Variants in PDE1C observed in about 807,000 individuals in gnomAD.
PDE1C encodes dual specificity calcium/calmodulin-dependent 3',5'-cyclic nucleotide phosphodiesterase 1C.
PDE1C carries 62 observed loss-of-function variants against 93.1 expected under a neutral mutation model. That is an observed-to-expected ratio of 0.67 (90% CI 0.54 to 0.82). The LOEUF (loss-of-function observed/expected upper bound fraction) is 0.82, where lower values mean the gene tolerates loss of function less well. PDE1C is among the 40% of genes least tolerant of loss of function. The probability of loss-of-function intolerance (pLI) is 0.00; values close to 1 mark genes in which losing one functional copy is unlikely to be tolerated. For missense variants in PDE1C, 742 were observed against 884.6 expected (o/e 0.84, Z 2.04); for synonymous variants, 325 against 310.1 (o/e 1.05, Z -0.50).
intron 2 of PDE1C, among the ~76,000 whole-genome samples, chr7:32,186,087 G>GTTTTTTTTTTTTTT (rs10561469): frequency 7.8e-6 from 1 of 128,570 alleles, no homozygotes; most frequent in Non-Finnish European, 1.7e-5. Flanking sequence ...TTGTTTTTTT[G>GTTTTTTTTTTTTTT]TTTTTTTTTT....
chr7:32,374,722 T>C (rs78598914), intron 1 of PDE1C, among the ~76,000 whole-genome samples: 1,907 of 152,378 alleles, frequency 0.013, 33 homozygotes, highest in African/African-American at 0.043. Context: ...TTTAAGCCAC[T>C]AAGACTTTGG....
chr7:31,707,339 C>G, the PDE1C span: 1 of 1,454,806 alleles, frequency 6.9e-7, no homozygotes, highest in Middle Eastern at 1.8e-4. Flanking sequence ...CTGTGGTGAC[C>G]TAGAGAAAAA....
At chr7:32,128,920 T>A (rs1441704974) in intron 3 of PDE1C, among the ~76,000 whole-genome samples, 4 of 77,930 alleles carry the variant, frequency 5.1e-5, no homozygotes, top group African/African-American at 2.6e-4. Context: ...TATATATATA[T>A]ATATATATAT....
At chr7:31,702,456 T>C in the PDE1C span, among the ~76,000 whole-genome samples, 1 of 152,172 alleles carries the variant, frequency 6.6e-6, no homozygotes, top group Admixed American at 6.5e-5. Flanking sequence ...ATCACATGCT[T>C]TCCCTCAAGC....
At chr7:32,387,929 C>G (rs1784673845) in intron 1 of PDE1C, among the ~76,000 whole-genome samples, 1 of 152,182 alleles carries the variant, frequency 6.6e-6, no homozygotes, top group Non-Finnish European at 1.5e-5. Context: ...CTCCAGTCAG[C>G]TCTTCCAAAG....
At chr7:31,825,431 G>A (rs893037541) in intron 12 of PDE1C, among the ~76,000 whole-genome samples, 5 of 152,212 alleles carry the variant, frequency 3.3e-5, no homozygotes, top group Non-Finnish European at 7.4e-5. Context: ...TGACTAGGGA[G>A]TAGGGATTCT....
At chr7:31,685,256 A>T in the PDE1C span, among the ~76,000 whole-genome samples, 41 of 152,292 alleles carry the variant, frequency 2.7e-4, no homozygotes, top group Non-Finnish European at 5.4e-4. Flanking sequence ...TGGGAGCAGG[A>T]GGTTAGGAAG....
chr7:31,999,085 G>C (rs543007517), intron 2 of PDE1C, among the ~76,000 whole-genome samples: 2 of 152,214 alleles, frequency 1.3e-5, no homozygotes, highest in South Asian at 4.2e-4. Flanking sequence ...TCATCTTCCT[G>C]AAGACACAAC....
intron 1 of PDE1C, among the ~76,000 whole-genome samples, chr7:32,218,815 C>T (rs79869944): frequency 0.036 from 5,405 of 152,204 alleles, 227 homozygotes; most frequent in African/African-American, 0.1. Context: ...TCCAAACTTC[C>T]AGATTTCAGG....
chr7:31,824,578 T>C (rs369880546), intron 13 of PDE1C, among the ~76,000 whole-genome samples: 1 of 152,056 alleles, frequency 6.6e-6, no homozygotes, highest in African/African-American at 2.4e-5. Flanking sequence ...TGAGCAAGGA[T>C]TGTCTGGGCA....
chr7:31,911,971 A>T (rs1182414129), intron 2 of PDE1C, among the ~76,000 whole-genome samples: 2 of 152,190 alleles, frequency 1.3e-5, no homozygotes, highest in Non-Finnish European at 2.9e-5. Context: ...TATCCAAAGC[A>T]TTACAGGAGC....
At chr7:32,239,983 C>G (rs1432871177) in intron 1 of PDE1C, among the ~76,000 whole-genome samples, 1 of 152,226 alleles carries the variant, frequency 6.6e-6, no homozygotes, top group Non-Finnish European at 1.5e-5. Context: ...TGACTGACAA[C>G]AATGCTGTCA....
chr7:31,998,289 G>A (rs1785017783), intron 2 of PDE1C, among the ~76,000 whole-genome samples: 1 of 152,110 alleles, frequency 6.6e-6, no homozygotes, highest in African/African-American at 2.4e-5. Flanking sequence ...AAAGTGCTGG[G>A]ATTACAAGTG....
At chr7:32,252,689 A>G (rs1809478253) in intron 1 of PDE1C, among the ~76,000 whole-genome samples, 1 of 152,222 alleles carries the variant, frequency 6.6e-6, no homozygotes, top group Non-Finnish European at 1.5e-5. Flanking sequence ...AGGCAGGGCC[A>G]GAGTCCTCAG....
At chr7:31,893,006 A>T (rs1798831791) in intron 2 of PDE1C, among the ~76,000 whole-genome samples, 1 of 152,202 alleles carries the variant, frequency 6.6e-6, no homozygotes, top group African/African-American at 2.4e-5. Flanking sequence ...AGGTATTGAA[A>T]CATCACATTG....
the PDE1C span, among the ~76,000 whole-genome samples, chr7:31,705,722 GA>G: frequency 6.7e-6 from 1 of 148,574 alleles, no homozygotes; most frequent in Non-Finnish European, 1.5e-5. Context: ...AGATCTTTAT[GA>G]AATGCTTCAT....
At chr7:32,201,271 C>T (rs1239936453) in intron 2 of PDE1C, among the ~76,000 whole-genome samples, 1 of 152,196 alleles carries the variant, frequency 6.6e-6, no homozygotes, top group Admixed American at 6.5e-5. Flanking sequence ...AAACCTAAAA[C>T]TTCATCTTAA....
chr7:31,753,677 T>G, intron 17 of PDE1C, 124 bp from the exon 18 acceptor site: 1 of 1,362,278 alleles, frequency 7.3e-7, no homozygotes, highest in Non-Finnish European at 9.6e-7. Context: ...AAGAAGCAGT[T>G]TGGATTCTCC....
the PDE1C span, among the ~76,000 whole-genome samples, chr7:31,619,724 C>T: frequency 1.9e-3 from 282 of 152,172 alleles, no homozygotes; most frequent in Non-Finnish European, 3.3e-3. Flanking sequence ...GGTACCAGTT[C>T]CATCTCACTA....
Sources: gnomAD v4.1 joint callset for allele counts (sites outside exome capture counted in the v4.1 genomes callset) on GRCh38, gnomAD v4.1.1 for gene constraint, MANE v1.5 for transcripts, NCBI Gene and HGNC (gene_info 2026-07-23, HGNC 2026-07-21) for gene names.